Variants in C1orf21 observed in about 807,000 individuals in gnomAD.
C1orf21 encodes chromosome 1 open reading frame 21, also known as uncharacterized protein C1orf21.
In C1orf21, 3 loss-of-function variants were observed where a neutral mutation model predicts 18.7. The ratio of observed to expected loss-of-function variants is 0.16; its 90% CI spans 0.07 to 0.42. C1orf21 has a LOEUF of 0.42. Among genes scored for constraint, C1orf21 ranks in the 10% least tolerant of loss-of-function variants. The pLI is 0.99. For synonymous variants in C1orf21, 41 were observed against 46.4 expected, an observed-to-expected ratio of 0.88 and a Z score of 0.47; for missense variants, 104 against 143.6, an observed-to-expected ratio of 0.72 and a Z score of 1.41.
chr1:184,521,790 G>A (rs957394379), intron 3 of C1orf21, among the ~76,000 whole-genome samples: 4 of 151,864 alleles, frequency 2.6e-5, no homozygotes, highest in African/African-American at 9.7e-5. Context: ...TGGGGATCTC[G>A]GTATAGAATG....
Position 184,439,846 on chromosome 1 carries a change from G to T in C1orf21, c.-124-37540G>T, listed in dbSNP as rs544052805. Among the ~76,000 whole-genome samples the T allele has an allele frequency of 2.6e-5, 4 of 152,260 alleles. No homozygotes were observed. The South Asian group carries it at 6.2e-4, about 24-fold the overall frequency. ...TTGTCTTATGTTTTGGAGTTACAAA[G>T]ATGGTCAAAAGAAAGATGGTATGAA... is the stretch of plus-strand genomic sequence containing the variant. On this transcript the variant is annotated intron_variant, in intron 1 of 5. Coordinates refer to ENST00000235307, the MANE Select transcript of C1orf21 (RefSeq NM_030806.4).
At chr1:184,558,086 C>T (rs1487385836) in intron 3 of C1orf21, among the ~76,000 whole-genome samples, 2 of 152,180 alleles carry the variant, frequency 1.3e-5, no homozygotes, top group Admixed American at 1.3e-4. Flanking sequence ...ATGGTAAGAG[C>T]AAAGGGTGGC....
At chr1:184,601,515 A>G (rs1039300476) in intron 5 of C1orf21, among the ~76,000 whole-genome samples, 1 of 152,228 alleles carries the variant, frequency 6.6e-6, no homozygotes, top group African/African-American at 2.4e-5. Flanking sequence ...GTCACAGTGC[A>G]GAGCTGCTGT....
At chr1:184,526,518 G>T (rs776123649) in intron 3 of C1orf21, among the ~76,000 whole-genome samples, 6 of 152,108 alleles carry the variant, frequency 3.9e-5, no homozygotes, top group Non-Finnish European at 8.8e-5. Context: ...ATATAAAGCA[G>T]GTTGTCATCT....
At chr1:184,547,036 A>G (rs1422602086) in intron 3 of C1orf21, among the ~76,000 whole-genome samples, 1 of 152,222 alleles carries the variant, frequency 6.6e-6, no homozygotes, top group Non-Finnish European at 1.5e-5. Flanking sequence ...AAAATGGGAG[A>G]AGGGTGATGG....
At chr1:184,486,322 T>G (rs1657732111) in intron 2 of C1orf21, among the ~76,000 whole-genome samples, 1 of 152,236 alleles carries the variant, frequency 6.6e-6, no homozygotes, top group African/African-American at 2.4e-5. Context: ...AGCTGGGGTT[T>G]GATTCCAGTG....
chr1:184,604,816 G>T (rs1291913176), intron 5 of C1orf21, among the ~76,000 whole-genome samples: 2 of 152,200 alleles, frequency 1.3e-5, no homozygotes, highest in African/African-American at 4.8e-5. Context: ...AATGAGTCAG[G>T]CAACAAGCTG....
chr1:184,613,717 A>C (rs1000265385), intron 5 of C1orf21, among the ~76,000 whole-genome samples: 4 of 152,196 alleles, frequency 2.6e-5, no homozygotes, highest in Non-Finnish European at 4.4e-5. Flanking sequence ...GATATGGGCC[A>C]CACGAGGACT....
chr1:184,566,908 C>G (rs1195341413), intron 3 of C1orf21: 2 of 509,512 alleles, frequency 3.9e-6, no homozygotes, highest in East Asian at 5.5e-5. Flanking sequence ...ATTGTCTTCT[C>G]CATCCTATAA....
chr1:184,421,293 T>TG (rs1337942602), intron 1 of C1orf21, among the ~76,000 whole-genome samples: 1 of 152,072 alleles, frequency 6.6e-6, no homozygotes, highest in Non-Finnish European at 1.5e-5. Context: ...TTTGTAGAAA[T>TG]GGGGGTCTCA....
chr1:184,598,526 G>C, intron 5 of C1orf21, 65 bp downstream of exon 5: 1 of 1,401,806 alleles, frequency 7.1e-7, no homozygotes, highest in South Asian at 1.3e-5. Context: ...CATATGTGAG[G>C]GCAATAACAT....
At chr1:184,505,498 C>T (rs561713742) in intron 2 of C1orf21, among the ~76,000 whole-genome samples, 1 of 151,760 alleles carries the variant, frequency 6.6e-6, no homozygotes, top group East Asian at 1.9e-4. Context: ...CATGATGGCT[C>T]ACGCCTGTAA....
intron 5 of C1orf21, among the ~76,000 whole-genome samples, chr1:184,598,884 T>C (rs1659551872): frequency 6.6e-6 from 1 of 152,190 alleles, no homozygotes; most frequent in East Asian, 1.9e-4. Flanking sequence ...CTAATTCAAT[T>C]TATACTTAGG....
intron 2 of C1orf21, among the ~76,000 whole-genome samples, chr1:184,499,021 T>A (rs1386536347): frequency 6.6e-6 from 1 of 152,200 alleles, no homozygotes; most frequent in Non-Finnish European, 1.5e-5. Context: ...ATGGGTTATA[T>A]GTGAAACTTT....
At chr1:184,605,305 T>C (rs1659633937) in intron 5 of C1orf21, among the ~76,000 whole-genome samples, 1 of 152,310 alleles carries the variant, frequency 6.6e-6, no homozygotes, top group Admixed American at 6.5e-5. Flanking sequence ...ACTACTGCAT[T>C]GTTATTTACG....
rs180672173 is a variant in C1orf21, at chr1:184,622,436, C to G, written c.*2880C>G. 3.5e-4 allele frequency: 53 copies of G among 152,748 alleles called. No individual in the cohort carries two copies. The highest frequency in any genetic ancestry group is 1.0e-3 in the African/African-American group (43 of 41,558). 9.5% of individuals were successfully genotyped at this position (152,748 alleles called of 1,614,324 possible). ...TCTGAGTTGTAGAGTTGTAAAAGTT[C>G]AGCAGTGTGTGCACAGCTTTCTTTT... On this transcript the variant is annotated 3_prime_UTR_variant, in exon 6 of 6. Coordinates refer to ENST00000235307, the MANE Select transcript of C1orf21 (RefSeq NM_030806.4).
chr1:184,434,044 A>G (rs1303474786), intron 1 of C1orf21, among the ~76,000 whole-genome samples: 1 of 152,184 alleles, frequency 6.6e-6, no homozygotes, highest in Non-Finnish European at 1.5e-5. Context: ...CTGATTCTCC[A>G]GCAGGCTTCC....
chr1:184,412,794 C>T (rs1050715261), intron 1 of C1orf21, among the ~76,000 whole-genome samples: 3 of 152,022 alleles, frequency 2.0e-5, no homozygotes, highest in African/African-American at 7.2e-5. Context: ...GGCCACAGAG[C>T]GAGACCCTGC....
chr1:184,394,326 A>G (rs1656015028), intron 1 of C1orf21, among the ~76,000 whole-genome samples: 1 of 152,214 alleles, frequency 6.6e-6, no homozygotes, highest in Non-Finnish European at 1.5e-5. Context: ...TTGTTAAACC[A>G]CATGTTAGAA....
Sources: allele counts gnomAD v4.1 joint callset (sites outside exome capture counted in the v4.1 genomes callset), GRCh38; gene constraint gnomAD v4.1.1; transcripts MANE v1.5; gene names NCBI Gene and HGNC (gene_info 2026-07-23, HGNC 2026-07-21).